The following MTFR1 variants were observed in gnomAD, a reference collection of about 807,000 sequenced individuals.
MTFR1 encodes chondrocyte protein with a poly-proline region.
Under a neutral mutation model 38.8 loss-of-function variants are expected in MTFR1, and 28 were observed. That is an observed-to-expected ratio of 0.72 (90% CI 0.53 to 0.99). The LOEUF (loss-of-function observed/expected upper bound fraction) is 0.99, where lower values mean the gene tolerates loss of function less well. Ranked by LOEUF, MTFR1 falls within the 50% of genes least tolerant of loss-of-function variation. The probability of loss-of-function intolerance (pLI) is 0.00; values close to 1 mark genes in which losing one functional copy is unlikely to be tolerated. For missense variants in MTFR1, 358 were observed against 395.5 expected (o/e 0.91, Z 0.81); for synonymous variants, 145 against 137.0 (o/e 1.06, Z -0.41).
At chr8:65,761,323 CA>C (rs1808484545) in intron 3 of MTFR1, among the ~76,000 whole-genome samples, 1 of 152,200 alleles carries the variant, frequency 6.6e-6, no homozygotes, top group African/African-American at 2.4e-5. Context: ...CTTGGCCTCC[CA>C]AAGTGCTAGG....
chr8:65,660,698 A>G (rs1170638008), intron 1 of MTFR1, among the ~76,000 whole-genome samples: 1 of 152,156 alleles, frequency 6.6e-6, no homozygotes, highest in Non-Finnish European at 1.5e-5. Flanking sequence ...CTATGTATCT[A>G]TATTTTGTTG....
chr8:65,746,224 G>A (rs963175028), intron 3 of MTFR1, among the ~76,000 whole-genome samples: 1 of 151,624 alleles, frequency 6.6e-6, no homozygotes, highest in Non-Finnish European at 1.5e-5. Context: ...ATGAGCCACT[G>A]CACCCAGCCC....
At chr8:65,662,309 G>A (rs943316559) in intron 1 of MTFR1, among the ~76,000 whole-genome samples, 2 of 151,958 alleles carry the variant, frequency 1.3e-5, no homozygotes, top group Non-Finnish European at 2.9e-5. Context: ...TGTGTTGGCC[G>A]GGCTGGTCTC....
chr8:65,643,942 G>A (rs1474402057), upstream of MTFR1, among the ~76,000 whole-genome samples: 1 of 152,032 alleles, frequency 6.6e-6, no homozygotes, highest in Non-Finnish European at 1.5e-5. Flanking sequence ...TCCAGTGACA[G>A]CCCAGCGACC....
downstream of MTFR1, among the ~76,000 whole-genome samples, chr8:65,713,188 C>T (rs1337374163): frequency 6.6e-6 from 1 of 151,860 alleles, no homozygotes; most frequent in Non-Finnish European, 1.5e-5. Flanking sequence ...CGCCTATAAT[C>T]CCAGCACTTT....
At chr8:65,702,759 T>G (rs1805653059) in intron 4 of MTFR1, among the ~76,000 whole-genome samples, 1 of 152,042 alleles carries the variant, frequency 6.6e-6, no homozygotes, top group Non-Finnish European at 1.5e-5. Context: ...CCCTTACCTG[T>G]GAGATGAGGG....
chr8:65,735,404 G>A (rs1807086698), intron 3 of MTFR1, among the ~76,000 whole-genome samples: 1 of 151,976 alleles, frequency 6.6e-6, no homozygotes. Context: ...GACCTCCTGG[G>A]CTCAAGTAAT....
At chr8:65,718,421 A>T (rs550170319) in intron 2 of MTFR1, 1 of 152,378 alleles carries the variant, frequency 6.6e-6, no homozygotes, top group African/African-American at 2.4e-5. Context: ...CCCTGAGCTG[A>T]TTATGGTGTT....
chr8:65,745,346 T>A, intron 3 of MTFR1: 2 of 941,304 alleles, frequency 2.1e-6, no homozygotes, highest in Non-Finnish European at 3.5e-6. Context: ...CACCAGCGGC[T>A]GCACCATCAA....
chr8:65,653,241 GCA>G (rs1809167940), intron 1 of MTFR1, among the ~76,000 whole-genome samples: 1 of 152,148 alleles, frequency 6.6e-6, no homozygotes, highest in African/African-American at 2.4e-5. Context: ...GAGCACAGTG[GCA>G]CACGCCTGTA....
rs145857900 is a variant in MTFR1, at chr8:65,708,912, T to G, written c.934-64T>G. ...AGCCCTCTAATCCATGATTGGGAGG[T>G]GGGGGCGTATCGTTACTGTTACTTG... On this transcript the variant is annotated intron_variant, in intron 7 of 7. Transcript: ENST00000262146. 2,972 of 1,486,168 alleles carry G rather than the reference T, an allele frequency of 2.0e-3. 2 individuals carry two copies. The highest frequency in any genetic ancestry group is 2.6e-3 in the Non-Finnish European group (2,733 of 1,064,260). The allele number at this position is 1,486,168 out of a possible 1,614,324, so 92.1% of individuals were successfully genotyped here.
rs563164737 is a variant in MTFR1, at chr8:65,698,874, G to A, written c.281+5115G>A. 7.9e-5 allele frequency among the ~76,000 whole-genome samples: 12 copies of A among 152,184 alleles called. 1 individual carries two copies. In the South Asian group the frequency reaches 1.0e-3, roughly 13 times the overall value. ...CTCCCAAGCAGCTGGGATTACAGGC[G>A]TGCACGACCACGCCCACCTAATTTT... On this transcript the variant is annotated intron_variant, in intron 4 of 7. Transcript: ENST00000262146.
chr8:65,714,133 C>A (rs934592873), downstream of MTFR1, among the ~76,000 whole-genome samples: 7 of 151,482 alleles, frequency 4.6e-5, no homozygotes, highest in African/African-American at 1.7e-4. Flanking sequence ...ACTTATTATT[C>A]TGTCACCCAG....
rs572395594 is a variant in MTFR1 at position 65,755,439 on chromosome 8, T to G, written c.*49-15508T>G. ...AATTTACTTAGTGGTTACTTTGGGG[T>G]TTACAATTAACACCTTAAACTTATA... On this transcript the variant is annotated intron_variant, in intron 3 of 3. Transcript: ENST00000521247. 8.5e-5 allele frequency among the ~76,000 whole-genome samples: 13 copies of G among 152,312 alleles called. No homozygotes were observed. In the South Asian group the frequency reaches 1.0e-3, roughly 12 times the overall value.
At chr8:65,700,864 G>T (rs757019052) in intron 4 of MTFR1, among the ~76,000 whole-genome samples, 1 of 152,202 alleles carries the variant, frequency 6.6e-6, no homozygotes, top group Non-Finnish European at 1.5e-5. Context: ...TGCTAAATTT[G>T]ACTCTGACAA....
chr8:65,772,299 T>A (rs1024568883), downstream of MTFR1, among the ~76,000 whole-genome samples: 2 of 152,194 alleles, frequency 1.3e-5, no homozygotes, highest in African/African-American at 2.4e-5. Flanking sequence ...TCAGCATGCA[T>A]GTAAATTTTT....
At chr8:65,730,655 T>C (rs921560799) in intron 3 of MTFR1, among the ~76,000 whole-genome samples, 10 of 152,196 alleles carry the variant, frequency 6.6e-5, no homozygotes, top group African/African-American at 2.4e-4. Flanking sequence ...AGGCTGGGCA[T>C]GGTGGCTCAT....
At chr8:65,760,678 T>C (rs1808444471) in intron 3 of MTFR1, among the ~76,000 whole-genome samples, 1 of 152,236 alleles carries the variant, frequency 6.6e-6, no homozygotes, top group Non-Finnish European at 1.5e-5. Context: ...AGTTTCTTCA[T>C]GTTTACTCCA....
chr8:65,672,631 C>T (rs969480975), intron 2 of MTFR1, among the ~76,000 whole-genome samples: 5 of 152,176 alleles, frequency 3.3e-5, no homozygotes, highest in African/African-American at 1.2e-4. Flanking sequence ...CTGCCTCAGC[C>T]TCCCAAGTAG....
Sources: allele counts gnomAD v4.1 joint callset (sites outside exome capture counted in the v4.1 genomes callset), GRCh38; gene constraint gnomAD v4.1.1; transcripts MANE v1.5; gene names NCBI Gene and HGNC (gene_info 2026-07-23, HGNC 2026-07-21).